Variants in DPYD observed in about 807,000 individuals in gnomAD.
DPYD encodes dihydropyrimidine dehydrogenase [NADP(+)].
DPYD carries 109 observed loss-of-function variants against 116.2 expected under a neutral mutation model. The ratio of observed to expected loss-of-function variants is 0.94; its 90% CI spans 0.80 to 1.10. The LOEUF is 1.10. Ranked by LOEUF, DPYD falls within the 50% of genes least tolerant of loss-of-function variation. The pLI, the probability that DPYD is intolerant of heterozygous loss-of-function variation, is 0.00. For synonymous variants in DPYD, 440 were observed against 432.0 expected (o/e 1.02, Z -0.23); for missense variants, 1,302 against 1,254.5 (o/e 1.04, Z -0.57).
intron 1 of DPYD, among the ~76,000 whole-genome samples, chr1:97,910,429 T>G (rs1673880549): frequency 6.6e-6 from 1 of 152,068 alleles, no homozygotes; most frequent in Non-Finnish European, 1.5e-5. Flanking sequence ...TATTAATAAT[T>G]TAATACCTAA....
intron 19 of DPYD, among the ~76,000 whole-genome samples, chr1:97,210,855 G>A (rs532067542): frequency 6.6e-6 from 1 of 152,084 alleles, no homozygotes; most frequent in South Asian, 2.1e-4. Context: ...TTCTTTTCAT[G>A]TCCACAACCA....
intron 20 of DPYD, among the ~76,000 whole-genome samples, chr1:97,135,114 T>G (rs1337317735): frequency 1.3e-5 from 2 of 152,176 alleles, no homozygotes; most frequent in African/African-American, 4.8e-5. Context: ...AGAAGCAACG[T>G]TCTTAGATTT....
chr1:97,167,068 G>T (rs567119240), intron 20 of DPYD, among the ~76,000 whole-genome samples: 1 of 152,054 alleles, frequency 6.6e-6, no homozygotes, highest in Non-Finnish European at 1.5e-5. Context: ...AAAAATATGA[G>T]ATTCTGCTTT....
At chr1:97,775,665 A>G (rs559308126) in intron 3 of DPYD, among the ~76,000 whole-genome samples, 4 of 152,068 alleles carry the variant, frequency 2.6e-5, no homozygotes, top group Non-Finnish European at 4.4e-5. Context: ...AACATATTAT[A>G]TATATTCTTG....
intron 21 of DPYD, among the ~76,000 whole-genome samples, chr1:97,093,701 A>C (rs1448121703): frequency 6.6e-6 from 1 of 152,198 alleles, no homozygotes; most frequent in East Asian, 1.9e-4. Context: ...AAATTCTTTC[A>C]CCATAAATAT....
chr1:97,166,074 G>A (rs1656302355), intron 20 of DPYD, among the ~76,000 whole-genome samples: 1 of 152,056 alleles, frequency 6.6e-6, no homozygotes, highest in South Asian at 2.1e-4. Flanking sequence ...CCCATTACTG[G>A]GTTTATACCC....
intron 8 of DPYD, among the ~76,000 whole-genome samples, chr1:97,651,151 T>C (rs1658558081): frequency 6.6e-6 from 1 of 152,166 alleles, no homozygotes; most frequent in Non-Finnish European, 1.5e-5. Context: ...TAGTTGTATA[T>C]GATACAAAAT....
At chr1:97,203,671 C>CA (rs1207381172) in intron 19 of DPYD, among the ~76,000 whole-genome samples, 1 of 58,534 alleles carries the variant, frequency 1.7e-5, no homozygotes, top group Non-Finnish European at 3.5e-5. Flanking sequence ...GACCCCCCCC[C>CA]CCCAAAAAAA....
intron 1 of DPYD, among the ~76,000 whole-genome samples, chr1:97,902,787 A>G (rs1673429941): frequency 6.6e-6 from 1 of 151,870 alleles, no homozygotes; most frequent in Non-Finnish European, 1.5e-5. Context: ...GGAGCATACT[A>G]AACAAAACAA....
chr1:97,102,559 A>C (rs1372756541), intron 20 of DPYD, among the ~76,000 whole-genome samples: 1 of 150,446 alleles, frequency 6.6e-6, no homozygotes, highest in Non-Finnish European at 1.5e-5. Context: ...CTAAAGGATA[A>C]GTTACATGTA....
chr1:97,891,043 C>G (rs1224120465), intron 1 of DPYD, among the ~76,000 whole-genome samples: 1 of 151,842 alleles, frequency 6.6e-6, no homozygotes, highest in Admixed American at 6.6e-5. Context: ...AAGGATTTGG[C>G]TTAATAATAT....
At chr1:97,085,734 T>C (rs927488617) in intron 21 of DPYD, among the ~76,000 whole-genome samples, 8 of 152,182 alleles carry the variant, frequency 5.3e-5, no homozygotes, top group African/African-American at 1.9e-4. Context: ...AAGTCACATA[T>C]GGCTAGTCTC....
intron 10 of DPYD, among the ~76,000 whole-genome samples, chr1:97,590,253 A>C (rs1654416661): frequency 6.6e-6 from 1 of 152,220 alleles, no homozygotes; most frequent in Non-Finnish European, 1.5e-5. Context: ...ATCTAATCAT[A>C]TATTACTTAT....
At chr1:97,227,132 C>A (rs1306293273) in intron 19 of DPYD, among the ~76,000 whole-genome samples, 1 of 151,718 alleles carries the variant, frequency 6.6e-6, no homozygotes, top group Non-Finnish European at 1.5e-5. Flanking sequence ...CGAGACCATC[C>A]TGGCCAACAT....
At chr1:97,286,055 G>C (rs1420424798) in intron 18 of DPYD, among the ~76,000 whole-genome samples, 1 of 152,108 alleles carries the variant, frequency 6.6e-6, no homozygotes, top group African/African-American at 2.4e-5. Flanking sequence ...GCAGTGGCTG[G>C]AACCGGTTGT....
rs896944775 is a variant in DPYD, at chr1:97,766,636, C to T, written c.234-26157G>A. Among the ~76,000 whole-genome samples the T allele has an allele frequency of 3.3e-5, 5 of 152,096 alleles. No homozygotes were observed. The East Asian group carries it at 5.8e-4, about 18-fold the overall frequency. On this transcript the variant is annotated intron_variant, in intron 3 of 22. Coordinates refer to ENST00000370192, the MANE Select transcript of DPYD (RefSeq NM_000110.4). ...CAGGGGAAAGGAAAGGGGAAGGGTG[C>T]TTCTAGAAATCTTAAAGAGTGGTCC... is the stretch of plus-strand genomic sequence containing the variant.
rs140801766 is a variant in DPYD at position 97,658,589 on chromosome 1, ATAAT to A, written c.850+20502_850+20505del. ...AGACCTAAGAATTTAGACTTAAATAATAATTAATTACTTCAGCATTTGCCCAAGT... is the reference window on the plus strand; with the variant it reads ...AGACCTAAGAATTTAGACTTAAATAATAATTACTTCAGCATTTGCCCAAGT... On this transcript the variant is annotated intron_variant, in intron 8 of 22. Transcript: ENST00000370192. 1.2e-3 allele frequency among the ~76,000 whole-genome samples: 182 copies of A among 152,168 alleles called. 10 individuals carry two copies. In the East Asian group the frequency reaches 0.033, roughly 27 times the overall value.
intron 2 of DPYD, among the ~76,000 whole-genome samples, chr1:97,870,673 T>C (rs77826560): frequency 4.6e-5 from 7 of 151,896 alleles, no homozygotes; most frequent in Non-Finnish European, 8.8e-5. Flanking sequence ...ATTTCCTACA[T>C]TGGAAATCAC....
intron 14 of DPYD, among the ~76,000 whole-genome samples, chr1:97,413,331 A>G (rs937146343): frequency 6.6e-6 from 1 of 152,204 alleles, no homozygotes; most frequent in African/African-American, 2.4e-5. Flanking sequence ...TCCCTACTAA[A>G]GAACTATTCA....
Sources: allele counts gnomAD v4.1 joint callset (sites outside exome capture counted in the v4.1 genomes callset), GRCh38; gene constraint gnomAD v4.1.1; transcripts MANE v1.5; gene names NCBI Gene and HGNC (gene_info 2026-07-23, HGNC 2026-07-21).